Variants in CACNA1C observed in about 807,000 individuals in gnomAD.
The protein encoded by CACNA1C is voltage-dependent L-type calcium channel subunit alpha-1C.
In CACNA1C, 30 loss-of-function variants were observed where a neutral mutation model predicts 229.0. The ratio of observed to expected loss-of-function variants is 0.13; its 90% CI spans 0.10 to 0.18. The LOEUF (loss-of-function observed/expected upper bound fraction) is 0.18. Ranked by LOEUF, CACNA1C falls within the 10% of genes least tolerant of loss-of-function variation. The pLI, the probability that CACNA1C is intolerant of heterozygous loss-of-function variation, is 1.00. For synonymous variants in CACNA1C, 1,114 were observed against 1,132.5 expected, an observed-to-expected ratio of 0.98 and a Z score of 0.33; for missense variants, 1,658 against 2,845.0, an observed-to-expected ratio of 0.58 and a Z score of 9.49.
intron 39 of CACNA1C, chr12:2,676,481 T>A (rs2153781844): frequency 6.6e-6 from 1 of 152,576 alleles, no homozygotes; most frequent in South Asian, 2.1e-4. Context: ...TCAGGTTTAC[T>A]CCCAGGAAAG....
intron 3 of CACNA1C, among the ~76,000 whole-genome samples, chr12:2,392,562 G>A (rs1452205922): frequency 6.6e-6 from 1 of 152,168 alleles, no homozygotes; most frequent in Admixed American, 6.5e-5. Flanking sequence ...CAAGCTCAAA[G>A]CACACTTTTC....
chr12:2,543,617 T>G (rs2099876079), intron 9 of CACNA1C, among the ~76,000 whole-genome samples: 1 of 152,250 alleles, frequency 6.6e-6, no homozygotes, highest in Non-Finnish European at 1.5e-5. Context: ...CATATATTGC[T>G]TCTTCCAGGT....
chr12:2,489,819 A>G (rs776902921), intron 6 of CACNA1C, among the ~76,000 whole-genome samples: 12 of 152,218 alleles, frequency 7.9e-5, no homozygotes, highest in Non-Finnish European at 1.3e-4. Context: ...CTTAATTTGG[A>G]CTTTCCAGAA....
chr12:2,056,665 G>A (rs934277618), intron 1 of CACNA1C, among the ~76,000 whole-genome samples: 1 of 152,096 alleles, frequency 6.6e-6, no homozygotes, highest in African/African-American at 2.4e-5. Flanking sequence ...AACATTGCTC[G>A]CACATCAGCT....
intron 3 of CACNA1C, among the ~76,000 whole-genome samples, chr12:2,388,363 TCA>T (rs1263359699): frequency 6.6e-6 from 1 of 152,244 alleles, no homozygotes; most frequent in Non-Finnish European, 1.5e-5. Context: ...GATTAGTTGA[TCA>T]CCTTGGTTGT....
At chr12:2,380,030 C>CAAAAAAAAAAAAAAAAAAAAAA (rs1172016514) in intron 3 of CACNA1C, among the ~76,000 whole-genome samples, 35 of 80,048 alleles carry the variant, frequency 4.4e-4, no homozygotes, top group African/African-American at 8.1e-4. Flanking sequence ...GACTCCGTCT[C>CAAAAAAAAAAAAAAAAAAAAAA]AAAAAAAAAA....
intron 3 of CACNA1C, among the ~76,000 whole-genome samples, chr12:2,198,244 A>G (rs1458303592): frequency 6.6e-6 from 1 of 152,166 alleles, no homozygotes; most frequent in East Asian, 1.9e-4. Context: ...ATCTGGCAGC[A>G]TCTTCTGCAG....
At chr12:2,593,446 TC>T in intron 19 of CACNA1C, 101 bp downstream of exon 19, 1 of 1,223,076 alleles carries the variant, frequency 8.2e-7, no homozygotes, top group South Asian at 1.5e-5. Context: ...ACTGAGACTC[TC>T]CCAGCTCCTT....
chr12:2,016,543 C>T (rs557643616), intron 1 of CACNA1C, among the ~76,000 whole-genome samples: 17 of 152,262 alleles, frequency 1.1e-4, no homozygotes, highest in African/African-American at 3.9e-4. Flanking sequence ...AATTCTCCTG[C>T]CTCAGCCTCT....
At chr12:2,682,498 G>C in intron 42 of CACNA1C, 52 bp from the exon 43 acceptor site, 1 of 1,594,552 alleles carries the variant, frequency 6.3e-7, no homozygotes, top group Non-Finnish European at 8.5e-7. Flanking sequence ...GCTGAAGGAA[G>C]TGGAGGAAGG....
chr12:2,474,255 A>G (rs1460670905), intron 5 of CACNA1C, among the ~76,000 whole-genome samples: 6 of 152,186 alleles, frequency 3.9e-5, no homozygotes, highest in African/African-American at 1.2e-4. Flanking sequence ...TGGCCTTATT[A>G]TCAAGTATGT....
At chr12:2,401,480 C>G (rs2098676604) in intron 3 of CACNA1C, among the ~76,000 whole-genome samples, 1 of 152,216 alleles carries the variant, frequency 6.6e-6, no homozygotes, top group South Asian at 2.1e-4. Flanking sequence ...CAGGTCTCCC[C>G]TTTGAACAGA....
intron 3 of CACNA1C, among the ~76,000 whole-genome samples, chr12:2,241,470 G>A (rs1265141305): frequency 2.6e-5 from 4 of 152,026 alleles, no homozygotes; most frequent in Admixed American, 2.6e-4. Context: ...GTGTGGGATG[G>A]GATCAATTGC....
At position 2,610,224 on chromosome 12, in the gene CACNA1C, G is replaced by A. The variant is rs190046936; in HGVS notation, c.3559-317G>A. Among the ~76,000 whole-genome samples the A allele has an allele frequency of 5.5e-4, 83 of 152,282 alleles. 2 individuals carry two copies. Among genetic ancestry groups the A allele is most frequent in the African/African-American group, 1.6e-3 (66 of 41,554 alleles). On this transcript the variant is annotated intron_variant, in intron 27 of 46. Coordinates refer to ENST00000399655, the MANE Select transcript of CACNA1C (RefSeq NM_000719.7). ...CAGGAAGCACATTCTTAGCGATGCC[G>A]ACTCCCTGCCGAGGCACATGCCAGG...
intron 1 of CACNA1C, among the ~76,000 whole-genome samples, chr12:2,064,148 A>G (rs921059892): frequency 6.6e-6 from 1 of 152,222 alleles, no homozygotes; most frequent in African/African-American, 2.4e-5. Context: ...CCTCTGTTCA[A>G]AAAAACAAAA....
intron 30 of CACNA1C, among the ~76,000 whole-genome samples, chr12:2,635,497 A>G (rs1392126579): frequency 2.0e-5 from 3 of 152,152 alleles, no homozygotes; most frequent in Admixed American, 2.0e-4. Flanking sequence ...TTTTGATCTA[A>G]GATGTTTGGA....
intron 7 of CACNA1C, among the ~76,000 whole-genome samples, chr12:2,496,509 A>T (rs935173726): frequency 3.9e-5 from 6 of 152,252 alleles, no homozygotes; most frequent in Non-Finnish European, 7.3e-5. Context: ...GGCCTGAGAT[A>T]GAAGGGATCA....
chr12:2,572,185 A>G (rs940424414), intron 13 of CACNA1C, among the ~76,000 whole-genome samples: 8 of 152,018 alleles, frequency 5.3e-5, no homozygotes, highest in African/African-American at 1.9e-4. Context: ...TAGTGGTCCA[A>G]TGACCGACCT....
chr12:2,587,202 T>G (rs2062873871), intron 18 of CACNA1C, among the ~76,000 whole-genome samples: 1 of 151,954 alleles, frequency 6.6e-6, no homozygotes. Context: ...TTTTAAAATA[T>G]TCCAACAAAA....
Sources: gnomAD v4.1 joint callset for allele counts (sites outside exome capture counted in the v4.1 genomes callset) on GRCh38, gnomAD v4.1.1 for gene constraint, MANE v1.5 for transcripts, NCBI Gene and HGNC (gene_info 2026-07-23, HGNC 2026-07-21) for gene names.